Variants in SLC24A2 observed in about 807,000 individuals in gnomAD.
SLC24A2 encodes the protein sodium/potassium/calcium exchanger 2.
Under a neutral mutation model 62.0 loss-of-function variants are expected in SLC24A2, and 36 were observed. The ratio of observed to expected loss-of-function variants is 0.58; its 90% CI spans 0.44 to 0.77. SLC24A2 has a LOEUF of 0.77. Among genes scored for constraint, SLC24A2 ranks in the 30% least tolerant of loss-of-function variants. The pLI is 0.00. For missense variants in SLC24A2, 846 were observed against 817.9 expected (o/e 1.03, Z -0.42); for synonymous variants, 358 against 294.0 (o/e 1.22, Z -2.23).
At chr9:20,283,570 T>G in the SLC24A2 span, among the ~76,000 whole-genome samples, 2 of 152,250 alleles carry the variant, frequency 1.3e-5, no homozygotes, top group African/African-American at 4.8e-5. Flanking sequence ...ACTTCAGTCC[T>G]TGCCTCTTCA....
At chr9:20,277,522 C>G in the SLC24A2 span, among the ~76,000 whole-genome samples, 9 of 151,856 alleles carry the variant, frequency 5.9e-5, no homozygotes, top group Non-Finnish European at 1.2e-4. Flanking sequence ...AAATGCAAAT[C>G]AAAACCACAA....
the SLC24A2 span, among the ~76,000 whole-genome samples, chr9:20,299,215 G>A: frequency 6.6e-6 from 1 of 152,214 alleles, no homozygotes; most frequent in Non-Finnish European, 1.5e-5. Flanking sequence ...ACAGCCCTGG[G>A]TCCCAGGTCA....
the SLC24A2 span, among the ~76,000 whole-genome samples, chr9:19,912,813 C>A: frequency 3.9e-5 from 6 of 152,228 alleles, no homozygotes; most frequent in Middle Eastern, 3.4e-3. Flanking sequence ...CTCAATCCAA[C>A]CCTTATTTCT....
At chr9:19,656,357 T>C (rs1818942008) in intron 2 of SLC24A2, among the ~76,000 whole-genome samples, 1 of 152,232 alleles carries the variant, frequency 6.6e-6, no homozygotes, top group South Asian at 2.1e-4. Context: ...TTATCCTCTA[T>C]TTGCAGCCAC....
At chr9:19,730,290 T>G (rs1821297200) in intron 2 of SLC24A2, among the ~76,000 whole-genome samples, 1 of 152,192 alleles carries the variant, frequency 6.6e-6, no homozygotes, top group Admixed American at 6.5e-5. Context: ...ATCAGTAATG[T>G]GCAGGCTTTT....
At chr9:19,568,067 T>C (rs1835728244) in intron 7 of SLC24A2, among the ~76,000 whole-genome samples, 1 of 152,188 alleles carries the variant, frequency 6.6e-6, no homozygotes, top group South Asian at 2.1e-4. Flanking sequence ...GGGCTCATAA[T>C]TTCCGCTAAT....
chr9:19,727,744 A>G (rs1469109654), intron 2 of SLC24A2, among the ~76,000 whole-genome samples: 3 of 152,222 alleles, frequency 2.0e-5, no homozygotes, highest in Non-Finnish European at 2.9e-5. Context: ...GAAGACTCTG[A>G]AAAAATATCC....
At chr9:19,527,950 C>A in intron 9 of SLC24A2, 99 bp downstream of exon 9, 1 of 770,198 alleles carries the variant, frequency 1.3e-6, no homozygotes, top group Non-Finnish European at 2.3e-6. Context: ...ACACCCAATA[C>A]TGTTGTGGCA....
At chr9:19,846,509 G>A in the SLC24A2 span, among the ~76,000 whole-genome samples, 1 of 152,154 alleles carries the variant, frequency 6.6e-6, no homozygotes, top group Non-Finnish European at 1.5e-5. Context: ...GTCTCTTGAA[G>A]ACAGCAGATG....
chr9:19,704,828 A>G (rs1820463640), intron 2 of SLC24A2, among the ~76,000 whole-genome samples: 2 of 148,796 alleles, frequency 1.3e-5, no homozygotes, highest in Non-Finnish European at 3.0e-5. Context: ...AAGTAAGGCT[A>G]TAAAGCTCCA....
the SLC24A2 span, among the ~76,000 whole-genome samples, chr9:19,925,486 C>T: frequency 6.6e-6 from 1 of 152,104 alleles, no homozygotes; most frequent in South Asian, 2.1e-4. Context: ...ATGTTTTATT[C>T]TTTACACATT....
the SLC24A2 span, among the ~76,000 whole-genome samples, chr9:20,120,866 T>C: frequency 6.6e-6 from 1 of 152,004 alleles, no homozygotes; most frequent in Admixed American, 6.6e-5. Context: ...CCCAGATCCA[T>C]TTATGAAAAA....
At chr9:19,706,961 C>A (rs1329519480) in intron 2 of SLC24A2, among the ~76,000 whole-genome samples, 2 of 151,792 alleles carry the variant, frequency 1.3e-5, no homozygotes, top group Non-Finnish European at 2.9e-5. Context: ...ATTAATGAAT[C>A]CAGGAGCTGG....
At chr9:19,843,730 C>G in the SLC24A2 span, among the ~76,000 whole-genome samples, 14 of 152,058 alleles carry the variant, frequency 9.2e-5, no homozygotes, top group African/African-American at 3.1e-4. Flanking sequence ...TCTTTATGTC[C>G]ATGAGTCAAT....
chr9:19,590,667 G>C (rs1363050790), intron 5 of SLC24A2, among the ~76,000 whole-genome samples: 2 of 151,874 alleles, frequency 1.3e-5, no homozygotes, highest in East Asian at 1.9e-4. Context: ...TTTTAGGTGA[G>C]CCCTGCAACA....
the SLC24A2 span, among the ~76,000 whole-genome samples, chr9:19,834,225 G>A: frequency 6.6e-6 from 1 of 152,182 alleles, no homozygotes; most frequent in Non-Finnish European, 1.5e-5. Flanking sequence ...GCTGGATGGA[G>A]AATGACTTTG....
At chr9:19,995,079 C>CTT in the SLC24A2 span, among the ~76,000 whole-genome samples, 109 of 145,370 alleles carry the variant, frequency 7.5e-4, no homozygotes, top group Non-Finnish European at 9.3e-4. Flanking sequence ...TATCTCAGGC[C>CTT]TTTTTTTTTT....
chr9:19,900,707 C>G, the SLC24A2 span, among the ~76,000 whole-genome samples: 1 of 152,190 alleles, frequency 6.6e-6, no homozygotes, highest in East Asian at 1.9e-4. Context: ...GCAATTCTTA[C>G]AGGAAGACTT....
chr9:20,263,070 G>A, the SLC24A2 span, among the ~76,000 whole-genome samples: 1 of 152,174 alleles, frequency 6.6e-6, no homozygotes, highest in Non-Finnish European at 1.5e-5. Context: ...ATCCACTGGA[G>A]CCTGCACCTG....
Sources: allele counts gnomAD v4.1 joint callset (sites outside exome capture counted in the v4.1 genomes callset), GRCh38; gene constraint gnomAD v4.1.1; transcripts MANE v1.5; gene names NCBI Gene and HGNC (gene_info 2026-07-23, HGNC 2026-07-21).